The following TPTE2 variants were observed in gnomAD, a reference collection of about 807,000 sequenced individuals.
TPTE2 encodes phosphatidylinositol 3,4,5-trisphosphate 3-phosphatase TPTE2.
Under a neutral mutation model 78.6 loss-of-function variants are expected in TPTE2, and 53 were observed. The ratio of observed to expected loss-of-function variants is 0.67; its 90% confidence interval spans 0.54 to 0.85. TPTE2 has a LOEUF of 0.85. Among genes scored for constraint, TPTE2 ranks in the 40% least tolerant of loss-of-function variants. TPTE2 has a pLI of 0.00. For missense variants in TPTE2, 461 were observed against 623.0 expected, an observed-to-expected ratio of 0.74 and a Z score of 2.77; for synonymous variants, 175 against 206.2, an observed-to-expected ratio of 0.85 and a Z score of 1.30.
intron 10 of TPTE2, among the ~76,000 whole-genome samples, chr13:19,459,798 G>C (rs1878772961): frequency 6.6e-6 from 1 of 152,152 alleles, no homozygotes; most frequent in African/African-American, 2.4e-5. Flanking sequence ...CTGTGTTGTG[G>C]GGAACTCTTC....
At chr13:19,482,212 T>TA (rs368588510) in intron 4 of TPTE2, among the ~76,000 whole-genome samples, 21 of 151,708 alleles carry the variant, frequency 1.4e-4, no homozygotes, top group African/African-American at 3.4e-4. Context: ...TCCTGTTTTT[T>TA]AAAAAAAAAC....
At chr13:19,539,538 A>G (rs1177162163), upstream of TPTE2, among the ~76,000 whole-genome samples, 1 of 152,162 alleles carries the variant, frequency 6.6e-6, no homozygotes, top group Non-Finnish European at 1.5e-5. Context: ...TTCTTTATAA[A>G]TTACCCAGTC....
At chr13:19,498,311 C>T (rs891518630) in intron 1 of TPTE2, among the ~76,000 whole-genome samples, 5 of 150,978 alleles carry the variant, frequency 3.3e-5, no homozygotes, top group Admixed American at 1.3e-4. Context: ...CACAAAGATA[C>T]TCCTCGAGAA....
intron 5 of TPTE2, among the ~76,000 whole-genome samples, chr13:19,474,975 T>A (rs2137591906): frequency 6.6e-6 from 1 of 152,320 alleles, no homozygotes; most frequent in African/African-American, 2.4e-5. Context: ...ATGTTACTTT[T>A]GCAGATGGAA....
intron 10 of TPTE2, among the ~76,000 whole-genome samples, chr13:19,459,267 G>T (rs1593369152): frequency 6.6e-6 from 1 of 152,072 alleles, no homozygotes; most frequent in Admixed American, 6.6e-5. Context: ...TAATGGGGCT[G>T]TTTTTTTCTT....
intron 17 of TPTE2, among the ~76,000 whole-genome samples, chr13:19,428,961 C>T (rs1285714597): frequency 2.6e-5 from 4 of 152,158 alleles, no homozygotes; most frequent in Admixed American, 2.6e-4. Flanking sequence ...TCCTATGTGA[C>T]AAAGAGGCCT....
intron 13 of TPTE2, among the ~76,000 whole-genome samples, chr13:19,447,659 T>C (rs780199065): frequency 5.3e-5 from 8 of 152,278 alleles, no homozygotes; most frequent in Non-Finnish European, 7.4e-5. Context: ...CGGTGCTATG[T>C]TTTCCTGGAA....
chr13:19,536,210 A>C (rs1038707363), intron 1 of TPTE2, among the ~76,000 whole-genome samples: 1 of 152,134 alleles, frequency 6.6e-6, no homozygotes, highest in African/African-American at 2.4e-5. Context: ...AGACTCTACT[A>C]ATGACGAGGC....
At chr13:19,468,345 T>A (rs944648545) in intron 6 of TPTE2, among the ~76,000 whole-genome samples, 4 of 151,954 alleles carry the variant, frequency 2.6e-5, no homozygotes, top group African/African-American at 7.3e-5. Context: ...TTGGCCAGGA[T>A]CTTATTGTTT....
intron 1 of TPTE2, among the ~76,000 whole-genome samples, chr13:19,515,575 T>G (rs1472120659): frequency 6.6e-6 from 1 of 152,128 alleles, no homozygotes; most frequent in African/African-American, 2.4e-5. Context: ...TCTAAGTGGG[T>G]GTTCTCATGT....
chr13:19,526,202 A>G (rs1870485922), intron 1 of TPTE2, among the ~76,000 whole-genome samples: 1 of 152,206 alleles, frequency 6.6e-6, no homozygotes, highest in Non-Finnish European at 1.5e-5. Flanking sequence ...ACAGGAATAT[A>G]AATATCATTC....
chr13:19,537,853 T>C (rs931559924), upstream of TPTE2, among the ~76,000 whole-genome samples: 3 of 150,808 alleles, frequency 2.0e-5, no homozygotes, highest in Admixed American at 6.6e-5. Flanking sequence ...GATCCACCTA[T>C]CTCAGCCTCC....
intron 10 of TPTE2, among the ~76,000 whole-genome samples, chr13:19,456,505 C>T (rs112269853): frequency 6.6e-6 from 1 of 152,112 alleles, no homozygotes; most frequent in African/African-American, 2.4e-5. Flanking sequence ...TAGTTATGTT[C>T]CTACATACCA....
At chr13:19,556,642 C>T in the TPTE2 span, among the ~76,000 whole-genome samples, 3 of 152,120 alleles carry the variant, frequency 2.0e-5, no homozygotes, top group Non-Finnish European at 4.4e-5. Context: ...CCTGCCACCT[C>T]AACCTCCCAA....
In TPTE2 at chr13:19,442,327, T is replaced by A. The variant is rs1162784205; in HGVS notation, c.974-4174A>T. 4.6e-5 allele frequency among the ~76,000 whole-genome samples: 7 copies of A among 151,854 alleles called. No homozygotes were observed. The East Asian group carries it at 1.2e-3, about 25-fold the overall frequency. ...GGAAATAAGGAAGCACACTTCTACA[T>A]AACTCATGGGTCAAAAAAAAAAGCA... On this transcript the variant is annotated intron_variant, in intron 13 of 19. Coordinates refer to ENST00000400230, the Ensembl canonical transcript of TPTE2.
chr13:19,504,827 TTCTC>T (rs1218958315), upstream of TPTE2, among the ~76,000 whole-genome samples: 5 of 152,016 alleles, frequency 3.3e-5, no homozygotes, highest in Non-Finnish European at 5.9e-5. Context: ...TTTCTGTTGT[TTCTC>T]TCTCTCTTTT....
At chr13:19,525,857 C>T (rs1364954204) in intron 1 of TPTE2, among the ~76,000 whole-genome samples, 3 of 151,586 alleles carry the variant, frequency 2.0e-5, no homozygotes, top group Non-Finnish European at 4.4e-5. Context: ...AAAAAACAAC[C>T]TCACTAAAAA....
At chr13:19,423,538 A>G (rs964840046) in intron 19 of TPTE2, among the ~76,000 whole-genome samples, 6 of 152,166 alleles carry the variant, frequency 3.9e-5, no homozygotes, top group African/African-American at 7.2e-5. Flanking sequence ...CAATTTTTTG[A>G]ATTTTTACAA....
intron 3 of TPTE2, among the ~76,000 whole-genome samples, chr13:19,492,360 C>T (rs1237073351): frequency 6.6e-6 from 1 of 152,100 alleles, no homozygotes; most frequent in Non-Finnish European, 1.5e-5. Flanking sequence ...TTCTTTTTTT[C>T]CCAGGGCTTC....
Sources: gnomAD v4.1 joint callset for allele counts (sites outside exome capture counted in the v4.1 genomes callset) on GRCh38, gnomAD v4.1.1 for gene constraint, MANE v1.5 for transcripts, NCBI Gene and HGNC (gene_info 2026-07-23, HGNC 2026-07-21) for gene names.